TEX14: variants seen among roughly 807,000 people sequenced by gnomAD.
The protein encoded by TEX14 is inactive serine/threonine-protein kinase TEX14.
In TEX14, 168 loss-of-function variants were observed where a neutral mutation model predicts 178.6. The ratio of observed to expected loss-of-function variants is 0.94; its 90% CI spans 0.83 to 1.07. The LOEUF is 1.07. Ranked by LOEUF, TEX14 falls within the 50% of genes least tolerant of loss-of-function variation. TEX14 has a pLI of 0.00. For synonymous variants in TEX14, 626 were observed against 634.1 expected, an observed-to-expected ratio of 0.99 and a Z score of 0.19; for missense variants, 1,730 against 1,753.6, an observed-to-expected ratio of 0.99 and a Z score of 0.24.
chr17:58,583,171 C>T (rs2044865776), intron 19 of TEX14, among the ~76,000 whole-genome samples: 1 of 151,804 alleles, frequency 6.6e-6, no homozygotes, highest in Admixed American at 6.6e-5. Flanking sequence ...CTCACTCTGT[C>T]CCCCAGGCTG....
At chr17:58,563,091 A>G (rs959511323) in intron 28 of TEX14, among the ~76,000 whole-genome samples, 1 of 151,302 alleles carries the variant, frequency 6.6e-6, no homozygotes, top group Non-Finnish European at 1.5e-5. Context: ...AAAAAATTGC[A>G]CTAAAATATT....
intron 2 of TEX14, chr17:58,631,556 C>T (rs1224445115): frequency 3.3e-5 from 5 of 151,806 alleles, no homozygotes; most frequent in Admixed American, 6.6e-5. Flanking sequence ...TCTCAAAACA[C>T]ACATCTGGCA....
intron 10 of TEX14, among the ~76,000 whole-genome samples, chr17:58,606,679 C>G (rs988240153): frequency 6.7e-6 from 1 of 150,330 alleles, no homozygotes; most frequent in Non-Finnish European, 1.5e-5. Context: ...GGTTGCAGTG[C>G]GCCAAGACTG....
chr17:58,615,271 C>T lies in TEX14; in HGVS notation c.842G>A (p.Arg281Gln). The T allele has an allele frequency of 6.8e-6, 11 of 1,613,792 alleles. No homozygotes were observed. The highest frequency in any genetic ancestry group is 1.7e-5 in the Admixed American group (1 of 59,982). ...LPTHPHCSRL[R>Q]LADLLIAEQE... Reference sequence around the variant, plus strand: ...CTCGGCAATTAACAAGTCGGCCAGCCGCAGCCTGCTGCAGTGTGGGTGGGT... The same window carrying T: ...CTCGGCAATTAACAAGTCGGCCAGCTGCAGCCTGCTGCAGTGTGGGTGGGT... Residue 281 changes from arginine to glutamine, a missense_variant, in exon 8 of 32, where the codon CGG becomes CAG. Arg to Gln is a conservative substitution (Grantham distance 43, BLOSUM62 1). Transcript: ENST00000349033.
intron 21 of TEX14, among the ~76,000 whole-genome samples, 177 bp from the exon 22 acceptor site, chr17:58,574,426 C>T (rs544542171): frequency 6.6e-6 from 1 of 152,120 alleles, no homozygotes; most frequent in South Asian, 2.1e-4. Context: ...GTCTGTAATC[C>T]CAGCACTTTG....
At chr17:58,583,163 C>T (rs1285331639) in intron 19 of TEX14, among the ~76,000 whole-genome samples, 1 of 150,958 alleles carries the variant, frequency 6.6e-6, no homozygotes, top group Non-Finnish European at 1.5e-5. Flanking sequence ...GACAGGGTCT[C>T]ACTCTGTCCC....
chr17:58,639,109 C>A (rs2046510798), intron 2 of TEX14, among the ~76,000 whole-genome samples: 2 of 151,674 alleles, frequency 1.3e-5, no homozygotes, highest in Admixed American at 6.6e-5. Flanking sequence ...TCGTGATCCA[C>A]CCACCTCGGC....
chr17:58,649,020 G>A (rs1193741727), intron 2 of TEX14, among the ~76,000 whole-genome samples: 4 of 149,968 alleles, frequency 2.7e-5, no homozygotes, highest in South Asian at 4.2e-4. Flanking sequence ...CTCGTGATCC[G>A]CTCGCCTCGG....
At chr17:58,659,595 G>C (rs1453159328) in intron 1 of TEX14, among the ~76,000 whole-genome samples, 1 of 152,172 alleles carries the variant, frequency 6.6e-6, no homozygotes, top group Non-Finnish European at 1.5e-5. Flanking sequence ...GTTCGCTCTA[G>C]CTGCCGCTCC....
At chr17:58,586,223 C>G (rs1428171693) in intron 17 of TEX14, 141 bp from the exon 18 acceptor site, 4 of 948,174 alleles carry the variant, frequency 4.2e-6, no homozygotes, top group Non-Finnish European at 4.5e-6. Context: ...CTTAGCTTGC[C>G]CTGTTTGGCT....
rs1263317625 is a variant in TEX14, at chr17:58,572,102, T to C, written c.3536A>G (p.Gln1179Arg). Residue 1179 changes from glutamine to arginine, a missense_variant, in exon 24 of 32, where the codon CAG (glutamine) becomes CGG (arginine). Around this residue, in one of 2 missense-constraint regions of TEX14, gnomAD observed 941 missense variants for 1,072.4 expected, o/e 0.88. Coordinates refer to ENST00000349033, the MANE Select transcript of TEX14 (RefSeq NM_031272.5). ...SPGSVSSAAS[Q>R]YKDCLESITF... ...GATACTTTCAAGGCAGTCTTTATACTGACTGGCAGCTGAAGAAACGGACCC... is the reference window on the plus strand; with the variant it reads ...GATACTTTCAAGGCAGTCTTTATACCGACTGGCAGCTGAAGAAACGGACCC... The C allele has an allele frequency of 1.2e-6, 2 of 1,608,138 alleles. No homozygotes were observed. Among genetic ancestry groups the C allele is most frequent in the South Asian group, 1.1e-5 (1 of 90,782 alleles).
At chr17:58,610,648 G>A (rs1649643690) in intron 10 of TEX14, among the ~76,000 whole-genome samples, 1 of 152,198 alleles carries the variant, frequency 6.6e-6, no homozygotes, top group South Asian at 2.1e-4. Flanking sequence ...CACTTTGGGA[G>A]GCCGAAGTGG....
At chr17:58,682,262 C>CT (rs36042986) in intron 1 of TEX14, among the ~76,000 whole-genome samples, 25,085 of 141,824 alleles carry the variant, frequency 0.18, 2,228 homozygotes, top group Non-Finnish European at 0.2. Context: ...CAGAGTCTTT[C>CT]TTTTTTTTTT....
At chr17:58,593,473 T>C in intron 15 of TEX14, 82 bp downstream of exon 15, 3 of 1,046,424 alleles carry the variant, frequency 2.9e-6, no homozygotes, top group Non-Finnish European at 4.5e-6. Context: ...TCACTAGACA[T>C]AAGAAGATCA....
Position 58,659,245 on chromosome 17 carries a change from C to T in TEX14, c.-1-7243G>A, listed in dbSNP as rs547855599. On this transcript the variant is annotated intron_variant, in intron 1 of 31. Coordinates refer to ENST00000349033, the MANE Select transcript of TEX14 (RefSeq NM_031272.5). ...GCGGGAGCAAACACATAGTAAAAAC[C>T]CTCCCCCAAGAAAAACACTTTATCA... is the stretch of plus-strand genomic sequence containing the variant. 2.0e-5 allele frequency: 12 copies of T among 591,224 alleles called. No homozygotes were observed. The South Asian group carries it at 3.0e-4, about 15-fold the overall frequency. 36.6% of individuals were successfully genotyped at this position (591,224 alleles called of 1,614,324 possible). A position where few individuals can be genotyped will look rare whatever the true frequency, so the allele number is the denominator to read the frequency against.
At chr17:58,573,909 C>G (rs2044604151) in intron 22 of TEX14, among the ~76,000 whole-genome samples, 1 of 152,176 alleles carries the variant, frequency 6.6e-6, no homozygotes, top group Non-Finnish European at 1.5e-5. Context: ...TTCCATATTT[C>G]CAGGATATTT....
At chr17:58,619,244 C>T (rs1439077028) in intron 5 of TEX14, among the ~76,000 whole-genome samples, 1 of 152,022 alleles carries the variant, frequency 6.6e-6, no homozygotes, top group African/African-American at 2.4e-5. Context: ...TGTTCTCAAA[C>T]AGTGACCTGG....
chr17:58,608,581 A>T (rs1481669540), intron 10 of TEX14, among the ~76,000 whole-genome samples: 1 of 152,262 alleles, frequency 6.6e-6, no homozygotes, highest in African/African-American at 2.4e-5. Flanking sequence ...GTCTCAAAAA[A>T]ATAAAAAATA....
chr17:58,639,052 A>T (rs952872503), intron 2 of TEX14, among the ~76,000 whole-genome samples: 1 of 150,712 alleles, frequency 6.6e-6, no homozygotes, highest in African/African-American at 2.4e-5. Flanking sequence ...TATTTAGTAG[A>T]GACGGGGTTT....
Sources: gnomAD v4.1 joint callset for allele counts (sites outside exome capture counted in the v4.1 genomes callset) on GRCh38, gnomAD v4.1.1 for gene constraint, gnomAD v4.1.1 regional missense constraint, MANE v1.5 for transcripts, NCBI Gene and HGNC (gene_info 2026-07-23, HGNC 2026-07-21) for gene names.